The following KANK2 variants were observed in gnomAD, a reference collection of about 807,000 sequenced individuals.
KANK2 encodes KN motif and ankyrin repeat domains 2, also known as KN motif and ankyrin repeat domain-containing protein 2.
Under a neutral mutation model 74.6 loss-of-function variants are expected in KANK2, and 41 were observed. That is an observed-to-expected ratio of 0.55 (90% CI 0.43 to 0.71). The LOEUF (loss-of-function observed/expected upper bound fraction) is 0.71, where lower values mean the gene tolerates loss of function less well. KANK2 is among the 30% of genes least tolerant of loss of function. The pLI is 0.00. For synonymous variants in KANK2, 537 were observed against 519.0 expected (o/e 1.03, Z -0.47); for missense variants, 1,148 against 1,196.4 (o/e 0.96, Z 0.60).
chr19:11,174,301 G>A (rs985326919), intron 9 of KANK2, among the ~76,000 whole-genome samples, 172 bp downstream of exon 9: 1 of 152,172 alleles, frequency 6.6e-6, no homozygotes, highest in Non-Finnish European at 1.5e-5. Flanking sequence ...TCGGAAGGTG[G>A]CATCTGCCAC....
At chr19:11,189,976 G>A (rs1029380021) in intron 4 of KANK2, among the ~76,000 whole-genome samples, 4 of 152,114 alleles carry the variant, frequency 2.6e-5, no homozygotes, top group Admixed American at 6.6e-5. Flanking sequence ...AACACGGGCC[G>A]GCGAGAAAAC....
chr19:11,194,387 A>C, intron 3 of KANK2, 88 bp downstream of exon 3: 1 of 1,086,418 alleles, frequency 9.2e-7, no homozygotes, highest in Non-Finnish European at 1.4e-6. Flanking sequence ...TCCCACCCTC[A>C]AAGTCCCCAG....
At chr19:11,179,619 C>G (rs2078453632) in intron 4 of KANK2, among the ~76,000 whole-genome samples, 1 of 151,080 alleles carries the variant, frequency 6.6e-6, no homozygotes, top group Admixed American at 6.6e-5. Context: ...GCCTGGGTAA[C>G]AGAGAGAGAC....
Position 11,193,423 on chromosome 19 carries a change from G to A in KANK2, c.657C>T (p.Leu219=), listed in dbSNP as rs774528923. 6.2e-7 allele frequency: 1 copy of A among 1,612,442 alleles called. No individual in the cohort carries two copies. The change falls in exon 4 of 13, where the codon CTC becomes CTT. Residue 219 remains leucine (L), a synonymous_variant. Coordinates refer to ENST00000586659, the MANE Select transcript of KANK2 (RefSeq NM_001136191.3). This position sits in a 1 kb window ranked among gnomAD's most constrained non-coding sequence, Gnocchi z 9.6. ...CTGTGAGCTGCCGCTTTTCCTCCTGGAGCACCGAGAGCTTCACCTGGAGCA... is the reference window on the plus strand; with the variant it reads ...CTGTGAGCTGCCGCTTTTCCTCCTGAAGCACCGAGAGCTTCACCTGGAGCA... ...IPVLQVKLSV[L]QEEKRQLTVQ... is the part of the protein sequence containing the mutation.
In KANK2 at chr19:11,165,368, C is replaced by T. The variant is rs1445284007; in HGVS notation, c.*1190G>A. 1 of 152,158 alleles carries T rather than the reference C, an allele frequency of 6.6e-6. No individual in the cohort carries two copies. The highest frequency in any genetic ancestry group is 2.1e-4 in the South Asian group (1 of 4,832). The allele number at this position is 152,158 out of a possible 1,614,324, so 9.4% of individuals were successfully genotyped here. A position where few individuals can be genotyped will look rare whatever the true frequency, so the allele number is the denominator to read the frequency against. ...ACAAGCGCATGCCCTGTTTTCTTTC[C>T]TTTGAGGAGAGAAATTCTGGAGTCC... On this transcript the variant is annotated 3_prime_UTR_variant, in exon 13 of 13. Transcript: ENST00000586659.
chr19:11,185,433 G>A (rs1211631900), intron 4 of KANK2, among the ~76,000 whole-genome samples: 2 of 148,794 alleles, frequency 1.3e-5, no homozygotes, highest in African/African-American at 2.5e-5. Context: ...CTTCTGCCTT[G>A]GCCTCCCAAA....
chr19:11,188,460 C>G (rs1054891771), intron 4 of KANK2, among the ~76,000 whole-genome samples: 1 of 151,220 alleles, frequency 6.6e-6, no homozygotes, highest in African/African-American at 2.4e-5. Context: ...CCACTTTGGC[C>G]TCCCAAAGTT....
chr19:11,169,625 A>T, intron 12 of KANK2: 1 of 579,538 alleles, frequency 1.7e-6, no homozygotes, highest in Non-Finnish European at 3.1e-6. Flanking sequence ...TCATGGTGAA[A>T]CCCCGTCTCT....
chr19:11,173,814 G>A (rs1007553141), intron 9 of KANK2, among the ~76,000 whole-genome samples: 1 of 152,098 alleles, frequency 6.6e-6, no homozygotes, highest in Non-Finnish European at 1.5e-5. Flanking sequence ...GTTAGACTGG[G>A]AAGGTGGTGT....
At chr19:11,197,198 G>A (rs1353096433) in intron 1 of KANK2, 2 of 149,900 alleles carry the variant, frequency 1.3e-5, no homozygotes, top group East Asian at 2.1e-4. Flanking sequence ...GGGGAGCCAA[G>A]ACAGGAGAAA....
chr19:11,186,394 T>TA (rs1226287930), intron 4 of KANK2, among the ~76,000 whole-genome samples: 3 of 133,716 alleles, frequency 2.2e-5, no homozygotes, highest in African/African-American at 6.0e-5. Flanking sequence ...TCTCAACAAA[T>TA]AAAAAAAGAA....
Position 11,170,188 on chromosome 19 carries a change from G to A in KANK2, c.2272C>T (p.Leu758=), listed in dbSNP as rs761428329. The A allele has an allele frequency of 3.8e-5, 62 of 1,611,792 alleles. No homozygotes were observed. Among genetic ancestry groups the A allele is most frequent in the African/African-American group, 5.3e-5 (4 of 74,946 alleles). Residue 758 remains leucine (L), a synonymous_variant, in exon 11 of 13, where the codon CTG becomes TTG. Coordinates refer to ENST00000586659, the MANE Select transcript of KANK2 (RefSeq NM_001136191.3). The surrounding 1 kb of genome is among the most constrained non-coding windows in gnomAD (Gnocchi z 5.2). ...SHGRVDVVKA[L]LACEADVNVQ... ...TTGACATCTGCCTCACAGGCCAGCA[G>A]GGCTTTGACAACGTCCACCCGCCCG... is the stretch of plus-strand genomic sequence containing the variant.
At position 11,194,638 on chromosome 19, in the gene KANK2, A is replaced by T; in HGVS notation, c.-79-48T>A. On this transcript the variant is annotated intron_variant, in intron 2 of 12. Coordinates refer to ENST00000586659, the MANE Select transcript of KANK2 (RefSeq NM_001136191.3). ...CCGGGAGTTAGGAGTCTGTAGGGGG[A>T]GGGGAGGAGATGAGGCCAGCCCCCT... The T allele has an allele frequency of 4.1e-6, 3 of 723,760 alleles. No individual in the cohort carries two copies. The South Asian group carries it at 4.5e-5, about 11-fold the overall frequency. 44.8% of individuals were successfully genotyped at this position (723,760 alleles called of 1,614,324 possible).
chr19:11,179,506 G>A (rs957422090), intron 4 of KANK2, among the ~76,000 whole-genome samples: 1 of 139,500 alleles, frequency 7.2e-6, no homozygotes, highest in Non-Finnish European at 1.5e-5. Flanking sequence ...GCGTGGTGGG[G>A]GGATGCCTGT....
In KANK2 at chr19:11,174,455, C is replaced by T. The variant is rs779640975; in HGVS notation, c.2068+18G>A. 3.2e-6 allele frequency: 5 copies of T among 1,586,330 alleles called. No individual in the cohort carries two copies. The Admixed American group carries it at 7.1e-5, about 23-fold the overall frequency. On this transcript the variant is annotated intron_variant, in intron 9 of 12. Transcript: ENST00000586659. ...GCTGGCTGGTTTAGAGCCGCCTCGT[C>T]CTCCCCGCTGGGCTCACCGCTGTCG...
chr19:11,181,082 T>A (rs1290409674), intron 4 of KANK2, among the ~76,000 whole-genome samples: 1 of 90,300 alleles, frequency 1.1e-5, no homozygotes. Flanking sequence ...GCGAGACTCT[T>A]GTCTCCAAAA....
chr19:11,170,901 A>G lies in KANK2; in HGVS notation c.2212-653T>C, dbSNP rs1377205269. 6.6e-6 allele frequency among the ~76,000 whole-genome samples: 1 copy of G among 152,054 alleles called. No individual in the cohort carries two copies. The highest frequency in any genetic ancestry group is 1.5e-5 in the Non-Finnish European group (1 of 67,986). Reference sequence around the variant, plus strand: ...CAGTGGCGCAATCTCGGCTCACTGCAACCTCCACCTCCTGGGTCCAAGCAA... The same window carrying G: ...CAGTGGCGCAATCTCGGCTCACTGCGACCTCCACCTCCTGGGTCCAAGCAA... On this transcript the variant is annotated intron_variant, in intron 10 of 12. Transcript: ENST00000586659. The surrounding 1 kb of genome is among the most constrained non-coding windows in gnomAD (Gnocchi z 5.2).
chr19:11,170,185 G>A lies in KANK2; in HGVS notation c.2275C>T (p.Leu759=). The A allele has an allele frequency of 6.2e-7, 1 of 1,611,824 alleles. No homozygotes were observed. Among genetic ancestry groups the A allele is most frequent in the Non-Finnish European group, 8.5e-7 (1 of 1,180,022 alleles). Residue 759 remains leucine (L), a synonymous_variant, in exon 11 of 13, where the codon CTG becomes TTG. Transcript: ENST00000586659. The surrounding 1 kb of genome is among the most constrained non-coding windows in gnomAD (Gnocchi z 5.2). ...ACGTTGACATCTGCCTCACAGGCCA[G>A]CAGGGCTTTGACAACGTCCACCCGC... ...HGRVDVVKAL[L]ACEADVNVQD...
intron 4 of KANK2, among the ~76,000 whole-genome samples, chr19:11,188,491 CA>C (rs149583202): frequency 0.065 from 9,787 of 151,482 alleles, 365 homozygotes; most frequent in Admixed American, 0.09. Flanking sequence ...AGGCATGAGC[CA>C]CCACACCCGG....
Sources: allele counts gnomAD v4.1 joint callset (sites outside exome capture counted in the v4.1 genomes callset), GRCh38; gene constraint gnomAD v4.1.1; non-coding constraint Gnocchi (gnomAD v3.1); transcripts MANE v1.5; gene names NCBI Gene and HGNC (gene_info 2026-07-23, HGNC 2026-07-21).